BPNT2: variants seen among roughly 807,000 people sequenced by gnomAD.
The protein encoded by BPNT2 is Golgi-resident adenosine 3',5'-bisphosphate 3'-phosphatase.
A neutral mutation model predicts 29.3 loss-of-function variants in BPNT2; 11 were observed. The ratio of observed to expected loss-of-function variants is 0.38; its 90% confidence interval spans 0.24 to 0.62. The LOEUF (loss-of-function observed/expected upper bound fraction) is 0.62. Ranked by LOEUF, BPNT2 falls within the 20% of genes least tolerant of loss-of-function variation. BPNT2 has a pLI of 0.62. For synonymous variants in BPNT2, 195 were observed against 187.7 expected (o/e 1.04, Z -0.32); for missense variants, 459 against 473.4 (o/e 0.97, Z 0.28).
At chr8:56,972,850 A>G (rs972665359) in intron 3 of BPNT2, among the ~76,000 whole-genome samples, 7 of 144,226 alleles carry the variant, frequency 4.9e-5, no homozygotes, top group Non-Finnish European at 7.6e-5. Context: ...CCTATTCTGG[A>G]AAAAAAAAAA....
chr8:56,969,633 T>C lies in BPNT2; in HGVS notation c.647-3281A>G, dbSNP rs530391394. On this transcript the variant is annotated intron_variant, in intron 3 of 4. Transcript: ENST00000262644. Reference sequence around the variant, plus strand: ...TGAAATGATGGTCAAGGATGAAATATGCTAATTTCACTGACGCTTATAGTA... The same window carrying C: ...TGAAATGATGGTCAAGGATGAAATACGCTAATTTCACTGACGCTTATAGTA... Among the ~76,000 whole-genome samples the C allele has an allele frequency of 3.3e-5, 5 of 152,166 alleles. No homozygotes were observed. In the East Asian group the frequency reaches 5.8e-4, roughly 18 times the overall value.
At chr8:56,982,072 G>A (rs1238680738) in intron 1 of BPNT2, among the ~76,000 whole-genome samples, 1 of 151,634 alleles carries the variant, frequency 6.6e-6, no homozygotes, top group Non-Finnish European at 1.5e-5. Flanking sequence ...CACAGGAGAG[G>A]TTAAAAATAC....
At position 56,993,806 on chromosome 8, in the gene BPNT2, C is replaced by A. The variant is rs1806462256; in HGVS notation, c.-221G>T. On this transcript the variant is annotated 5_prime_UTR_variant, in exon 1 of 5. Transcript: ENST00000262644. Reference sequence around the variant, plus strand: ...CGCGCGCCTGACTCGCCAGGCAGCGCGCTCTAGGTTCTTCCGCCGGCCGGC... The same window carrying A: ...CGCGCGCCTGACTCGCCAGGCAGCGAGCTCTAGGTTCTTCCGCCGGCCGGC... 4.2e-6 allele frequency: 2 copies of A among 480,270 alleles called. No individual in the cohort carries two copies. Among genetic ancestry groups the A allele is most frequent in the South Asian group, 8.6e-5 (1 of 11,688 alleles). The allele number at this position is 480,270 out of a possible 1,614,324, so 29.8% of individuals were successfully genotyped here.
chr8:56,977,264 G>C (rs80293218), intron 3 of BPNT2, among the ~76,000 whole-genome samples: 1,976 of 152,188 alleles, frequency 0.013, 23 homozygotes, highest in Non-Finnish European at 0.017. Context: ...AAGGCCAGAA[G>C]TCTAAAATCA....
At chr8:56,971,215 G>A (rs1806024962) in intron 3 of BPNT2, among the ~76,000 whole-genome samples, 1 of 150,934 alleles carries the variant, frequency 6.6e-6, no homozygotes, top group South Asian at 2.1e-4. Context: ...GAGGTATAGT[G>A]GTAAGGCAGA....
In BPNT2 at chr8:56,962,000, C is replaced by A. The variant is rs374480139; in HGVS notation, c.*1793G>T. 55 of 152,294 alleles carry A rather than the reference C, an allele frequency of 3.6e-4. No individual in the cohort carries two copies. The highest frequency in any genetic ancestry group is 1.3e-3 in the African/African-American group (54 of 41,556). The allele number at this position is 152,294 out of a possible 1,614,324, so 9.4% of individuals were successfully genotyped here. A position where few individuals can be genotyped will look rare whatever the true frequency, so the allele number is the denominator to read the frequency against. On this transcript the variant is annotated 3_prime_UTR_variant, in exon 5 of 5. Coordinates refer to ENST00000262644, the MANE Select transcript of BPNT2 (RefSeq NM_017813.5). ...AAACAGATGCTTATACCACAGGACTCTGGCAACAGCATATACCTTTGCCAT... is the reference window on the plus strand; with the variant it reads ...AAACAGATGCTTATACCACAGGACTATGGCAACAGCATATACCTTTGCCAT...
rs142604473 is a variant in BPNT2, at chr8:56,961,911, T to C, written c.*1882A>G. ...ATTAAATCAGAGTTCCCATAAAACA[T>C]TGAAATTAAATTCCATTTTTTACTT... is the stretch of plus-strand genomic sequence containing the variant. On this transcript the variant is annotated 3_prime_UTR_variant, in exon 5 of 5. Transcript: ENST00000262644. 1.2e-4 allele frequency: 19 copies of C among 152,310 alleles called. No homozygotes were observed. The highest frequency in any genetic ancestry group is 5.8e-4 in the East Asian group (3 of 5,188). 9.4% of individuals were successfully genotyped at this position (152,310 alleles called of 1,614,324 possible).
chr8:56,959,134 A>G lies in BPNT2; in HGVS notation c.*4659T>C, dbSNP rs534547150. The G allele has an allele frequency of 6.6e-6, 1 of 152,346 alleles. No individual in the cohort carries two copies. The highest frequency in any genetic ancestry group is 2.1e-4 in the South Asian group (1 of 4,824). 9.4% of individuals were successfully genotyped at this position (152,346 alleles called of 1,614,324 possible). A position where few individuals can be genotyped will look rare whatever the true frequency, so the allele number is the denominator to read the frequency against. On this transcript the variant is annotated 3_prime_UTR_variant, in exon 5 of 5. Transcript: ENST00000262644. The stretch of plus-strand genomic sequence containing the variant: ...ATTTCCACAAATTGTTAATTATGAT[A>G]CTTAAGGGAACCCTTACAATATATA...
chr8:56,991,098 T>A (rs1269193913), intron 1 of BPNT2, among the ~76,000 whole-genome samples: 1 of 152,190 alleles, frequency 6.6e-6, no homozygotes, highest in Non-Finnish European at 1.5e-5. Context: ...GAAAGACTCC[T>A]TTTAGGTTGA....
At chr8:56,964,282 CTTA>C (rs1025254834) in intron 4 of BPNT2, 7 of 454,114 alleles carry the variant, frequency 1.5e-5, no homozygotes, top group African/African-American at 4.0e-5. Flanking sequence ...TGCAAAGTAA[CTTA>C]TTGTTTATTT....
At chr8:56,966,391 C>T (rs762093003) in intron 3 of BPNT2, 39 bp from the exon 4 acceptor site, 1 of 1,561,246 alleles carries the variant, frequency 6.4e-7, no homozygotes, top group South Asian at 1.1e-5. Context: ...GGCACTGAAG[C>T]TTTAAAACTA....
chr8:56,975,385 C>T (rs1056219700), intron 3 of BPNT2, among the ~76,000 whole-genome samples: 4 of 151,936 alleles, frequency 2.6e-5, no homozygotes, highest in African/African-American at 9.7e-5. Context: ...ACTGATATAG[C>T]GAGATAATAA....
intron 3 of BPNT2, 133 bp downstream of exon 3, chr8:56,977,917 T>G: frequency 1.4e-6 from 1 of 701,306 alleles, no homozygotes; most frequent in South Asian, 1.5e-5. Flanking sequence ...AGACACATAA[T>G]TTGTGTTTTT....
At position 56,960,177 on chromosome 8, in the gene BPNT2, A is replaced by G. The variant is rs1424295191; in HGVS notation, c.*3616T>C. 3 of 152,252 alleles carry G rather than the reference A, an allele frequency of 2.0e-5. No individual in the cohort carries two copies. The highest frequency in any genetic ancestry group is 4.4e-5 in the Non-Finnish European group (3 of 68,048). The allele number at this position is 152,252 out of a possible 1,614,324, so 9.4% of individuals were successfully genotyped here. A position where few individuals can be genotyped will look rare whatever the true frequency, so the allele number is the denominator to read the frequency against. Reference sequence around the variant, plus strand: ...GTGCGATCTAAGAGAGGAAAGCTGAATATTTTCCTTTCTGCATCGGCACTC... The same window carrying G: ...GTGCGATCTAAGAGAGGAAAGCTGAGTATTTTCCTTTCTGCATCGGCACTC... On this transcript the variant is annotated 3_prime_UTR_variant, in exon 5 of 5. Transcript: ENST00000262644.
intron 3 of BPNT2, among the ~76,000 whole-genome samples, chr8:56,968,093 T>C (rs1416570764): frequency 1.3e-5 from 2 of 152,050 alleles, no homozygotes; most frequent in Admixed American, 6.5e-5. Context: ...TAAACCAATA[T>C]TCTAACATGA....
At chr8:56,968,282 C>T (rs1031101478) in intron 3 of BPNT2, among the ~76,000 whole-genome samples, 4 of 150,880 alleles carry the variant, frequency 2.7e-5, no homozygotes, top group African/African-American at 9.7e-5. Flanking sequence ...TCACAGGACA[C>T]ACAAAGGGCA....
chr8:56,974,695 C>T (rs1222338571), intron 3 of BPNT2, among the ~76,000 whole-genome samples: 1 of 152,124 alleles, frequency 6.6e-6, no homozygotes, highest in African/African-American at 2.4e-5. Flanking sequence ...GTACATTGGG[C>T]AAGTTAGCCG....
chr8:56,975,333 C>T (rs1358402811), intron 3 of BPNT2, among the ~76,000 whole-genome samples: 1 of 152,204 alleles, frequency 6.6e-6, no homozygotes, highest in Non-Finnish European at 1.5e-5. Flanking sequence ...TCTTGAACCA[C>T]TGTAATCAGA....
chr8:56,986,882 G>A (rs1323272238), intron 1 of BPNT2, among the ~76,000 whole-genome samples: 1 of 152,120 alleles, frequency 6.6e-6, no homozygotes, highest in Non-Finnish European at 1.5e-5. Flanking sequence ...GAAATCCTAA[G>A]TTGAACCATC....
Sources: gnomAD v4.1 joint callset for allele counts (sites outside exome capture counted in the v4.1 genomes callset) on GRCh38, gnomAD v4.1.1 for gene constraint, MANE v1.5 for transcripts, NCBI Gene and HGNC (gene_info 2026-07-23, HGNC 2026-07-21) for gene names.